Variants in TP53I13 observed in about 807,000 individuals in gnomAD.
The protein encoded by TP53I13 is tumor protein p53-inducible protein 13.
Under a neutral mutation model 39.1 loss-of-function variants are expected in TP53I13, and 27 were observed. That is an observed-to-expected ratio of 0.69 (90% CI 0.51 to 0.95). The LOEUF is 0.95. Among genes scored for constraint, TP53I13 ranks in the 40% least tolerant of loss-of-function variants. The pLI, the probability that TP53I13 is intolerant of heterozygous loss-of-function variation, is 0.00. For synonymous variants in TP53I13, 230 were observed against 224.6 expected (o/e 1.02, Z -0.22); for missense variants, 544 against 520.4 (o/e 1.05, Z -0.44).
At chr17:29,577,084 A>G (rs2033236547), downstream of TP53I13, 1 of 1,606,382 alleles carries the variant, frequency 6.2e-7, no homozygotes, top group Admixed American at 1.7e-5. Flanking sequence ...CATGCAGGAA[A>G]GACCCCTGGA....
At chr17:29,576,359 G>T, downstream of TP53I13, 2 of 1,613,460 alleles carry the variant, frequency 1.2e-6, no homozygotes, top group Non-Finnish European at 1.7e-6. Flanking sequence ...CGCCATGGGT[G>T]TGTGTTCCGC....
chr17:29,577,250 G>C, downstream of TP53I13: 1 of 1,613,090 alleles, frequency 6.2e-7, no homozygotes, highest in East Asian at 2.2e-5. Flanking sequence ...TGTCGCCCCT[G>C]CAAGGCAGAA....
chr17:29,576,890 G>A (rs141462052), downstream of TP53I13: 1,565 of 1,575,784 alleles, frequency 9.9e-4, 17 homozygotes, highest in African/African-American at 0.019. Flanking sequence ...GAGTGGCGCC[G>A]GTGCTGCGCA....
chr17:29,575,214 C>T (rs2033147107), downstream of TP53I13: 1 of 1,544,766 alleles, frequency 6.5e-7, no homozygotes, highest in African/African-American at 1.4e-5. This position sits in a 1 kb window ranked among gnomAD's most constrained non-coding sequence, Gnocchi z 5.5. Context: ...GAACCCAGGG[C>T]CCCTCATGCT....
downstream of TP53I13, chr17:29,576,166 C>T (rs374480078): frequency 2.3e-5 from 37 of 1,611,494 alleles, no homozygotes; most frequent in Non-Finnish European, 3.0e-5. Context: ...TCATGGTGGA[C>T]CCTGCGGCAG....
chr17:29,579,284 C>T, the TP53I13 span: 1 of 477,310 alleles, frequency 2.1e-6, no homozygotes, highest in South Asian at 3.2e-5. Context: ...CACCTGTTGC[C>T]TGGGCTTTGT....
chr17:29,566,527 C>T (rs141385558), upstream of TP53I13: 3,118 of 1,610,826 alleles, frequency 1.9e-3, 9 homozygotes, highest in Non-Finnish European at 2.5e-3. Context: ...GATCCGGCGG[C>T]CCCGAACACA....
Position 29,568,973 on chromosome 17 carries a change from G to A in TP53I13, c.73-45G>A. On this transcript the variant is annotated intron_variant, in intron 1 of 6. Transcript: ENST00000301057. The surrounding 1 kb of genome is among the most constrained non-coding windows in gnomAD (Gnocchi z 4.5). ...TGGGCCTGGGGAGAGAGAGGGCAGGGCCTCGCCGCGTCCAGCGCCCCAACT... is the reference window on the plus strand; with the variant it reads ...TGGGCCTGGGGAGAGAGAGGGCAGGACCTCGCCGCGTCCAGCGCCCCAACT... The A allele has an allele frequency of 6.3e-7, 1 of 1,590,698 alleles. No homozygotes were observed. The highest frequency in any genetic ancestry group is 1.1e-5 in the South Asian group (1 of 88,628).
At chr17:29,581,646 T>C in the TP53I13 span, 1 of 938,432 alleles carries the variant, frequency 1.1e-6, no homozygotes, top group Non-Finnish European at 1.7e-6. The surrounding 1 kb of genome is among the most constrained non-coding windows in gnomAD (Gnocchi z 4.8). Context: ...CCAGCCGCTC[T>C]GTCACCATGG....
chr17:29,569,842 C>T (rs1406190848), intron 3 of TP53I13: 2 of 152,782 alleles, frequency 1.3e-5, no homozygotes, highest in Non-Finnish European at 2.9e-5. Flanking sequence ...TTGCCAGGCT[C>T]CACACTGCGG....
intron 3 of TP53I13, chr17:29,569,621 T>TGG: frequency 2.6e-6 from 1 of 382,386 alleles, no homozygotes; most frequent in Non-Finnish European, 4.8e-6. Flanking sequence ...TGTGGACAAG[T>TGG]GGCTGTGAGT....
the TP53I13 span, chr17:29,581,876 C>A: frequency 6.2e-7 from 1 of 1,608,074 alleles, no homozygotes; most frequent in Non-Finnish European, 8.5e-7. This position sits in a 1 kb window ranked among gnomAD's most constrained non-coding sequence, Gnocchi z 4.8. Context: ...CAGCAGCAGC[C>A]CTCACCCACA....
chr17:29,581,894 C>T, the TP53I13 span: 2 of 1,606,604 alleles, frequency 1.2e-6, no homozygotes, highest in African/African-American at 2.7e-5. The surrounding 1 kb of genome is among the most constrained non-coding windows in gnomAD (Gnocchi z 4.8). Flanking sequence ...ACACCCCCAC[C>T]CACCCACACT....
downstream of TP53I13, chr17:29,576,810 G>A (rs936257497): frequency 8.9e-6 from 14 of 1,575,586 alleles, no homozygotes; most frequent in African/African-American, 1.2e-4. Flanking sequence ...CTGGGCCTCA[G>A]CGAAGGCCTG....
chr17:29,568,815 C>A lies in TP53I13; in HGVS notation c.57C>A (p.Leu19=). The A allele has an allele frequency of 6.3e-7, 1 of 1,599,536 alleles. No homozygotes were observed. Among genetic ancestry groups the A allele is most frequent in the Non-Finnish European group, 8.5e-7 (1 of 1,179,498 alleles). The part of the protein sequence containing the change: ...QLLLLAALAR[L]LGPSEVMAGP... ...TTCTCCTGGCAGCCCTCGCGAGGCT[C>A]CTGGGTCCCAGCGAGGTAAGGTGAC... The change falls in exon 1 of 7, where the codon CTC becomes CTA. Residue 19 remains leucine (L), a synonymous_variant. Coordinates refer to ENST00000301057, the MANE Select transcript of TP53I13 (RefSeq NM_138349.4). This position sits in a 1 kb window ranked among gnomAD's most constrained non-coding sequence, Gnocchi z 4.5.
In TP53I13 at chr17:29,568,934, T is replaced by C; in HGVS notation, c.73-84T>C. On this transcript the variant is annotated intron_variant, in intron 1 of 6. Coordinates refer to ENST00000301057, the MANE Select transcript of TP53I13 (RefSeq NM_138349.4). This position sits in a 1 kb window ranked among gnomAD's most constrained non-coding sequence, Gnocchi z 4.5. ...GCGCGCCGAGGGGGACGCGGAGTTC[T>C]TCCGCTGGCGGGCTGGGCCTGGGGA... 6.3e-7 allele frequency: 1 copy of C among 1,595,484 alleles called. No homozygotes were observed.
upstream of TP53I13, chr17:29,566,736 C>G: frequency 6.4e-7 from 1 of 1,560,278 alleles, no homozygotes; most frequent in Non-Finnish European, 8.6e-7. Context: ...GGGCCAGGGC[C>G]GACGGCTTGC....
chr17:29,579,724 TAA>T, the TP53I13 span, among the ~76,000 whole-genome samples: 4 of 142,164 alleles, frequency 2.8e-5, no homozygotes, highest in Non-Finnish European at 3.1e-5. Context: ...CCCCAACTCT[TAA>T]AAAAAAAAAA....
At chr17:29,576,092 C>T (rs370390461), downstream of TP53I13, 54 of 1,613,620 alleles carry the variant, frequency 3.3e-5, no homozygotes, top group African/African-American at 7.1e-4. Flanking sequence ...TAAAGGCCAG[C>T]AGGGACGTGC....
Sources: gnomAD v4.1 joint callset for allele counts (sites outside exome capture counted in the v4.1 genomes callset) on GRCh38, gnomAD v4.1.1 for gene constraint, Gnocchi (gnomAD v3.1) non-coding constraint, MANE v1.5 for transcripts, NCBI Gene and HGNC (gene_info 2026-07-23, HGNC 2026-07-21) for gene names.